Variants in KCND2 observed in about 807,000 individuals in gnomAD.
KCND2 encodes A-type voltage-gated potassium channel KCND2.
Under a neutral mutation model 54.4 loss-of-function variants are expected in KCND2, and 16 were observed. The observed-to-expected ratio is 0.29, with a 90% confidence interval of 0.20 to 0.45. KCND2 has a LOEUF of 0.45. Ranked by LOEUF, KCND2 falls within the 20% of genes least tolerant of loss-of-function variation. The pLI, the probability that KCND2 is intolerant of heterozygous loss-of-function variation, is 1.00. For missense variants in KCND2, 486 were observed against 824.2 expected (o/e 0.59, Z 5.02); for synonymous variants, 317 against 310.7 (o/e 1.02, Z -0.21).
At chr7:120,713,991 GA>G (rs1410571331) in intron 1 of KCND2, among the ~76,000 whole-genome samples, 5 of 152,114 alleles carry the variant, frequency 3.3e-5, no homozygotes, top group African/African-American at 1.2e-4. Context: ...ATTTATTCAA[GA>G]AGGGCTAATG....
At chr7:120,438,089 T>G (rs1232736813) in intron 1 of KCND2, among the ~76,000 whole-genome samples, 2 of 152,174 alleles carry the variant, frequency 1.3e-5, no homozygotes, top group Non-Finnish European at 2.9e-5. Context: ...GGCAAATGAT[T>G]ATGAAACTGA....
At chr7:120,357,333 T>G (rs1706272105) in intron 1 of KCND2, among the ~76,000 whole-genome samples, 1 of 152,122 alleles carries the variant, frequency 6.6e-6, no homozygotes, top group African/African-American at 2.4e-5. Flanking sequence ...ATTTTATGAC[T>G]CCCAAGTCAA....
At chr7:120,519,564 G>A (rs543206718) in intron 1 of KCND2, among the ~76,000 whole-genome samples, 74 of 152,190 alleles carry the variant, frequency 4.9e-4, no homozygotes, top group African/African-American at 1.8e-3. Context: ...ATGAGAACAG[G>A]AGCAGAAGAA....
intron 1 of KCND2, among the ~76,000 whole-genome samples, chr7:120,578,916 T>TCA (rs111758455): frequency 0.024 from 3,588 of 146,840 alleles, 83 homozygotes; most frequent in African/African-American, 0.063. Flanking sequence ...AGACCCTGTC[T>TCA]CACACACACA....
At chr7:120,426,466 C>G (rs530217660) in intron 1 of KCND2, among the ~76,000 whole-genome samples, 2 of 151,974 alleles carry the variant, frequency 1.3e-5, no homozygotes, top group African/African-American at 4.8e-5. Context: ...GTTTAACTGA[C>G]AAAGCTAAAT....
intron 1 of KCND2, among the ~76,000 whole-genome samples, chr7:120,482,008 A>C (rs1303207764): frequency 2.6e-5 from 4 of 152,054 alleles, no homozygotes; most frequent in Non-Finnish European, 5.9e-5. Flanking sequence ...CCAACATGCA[A>C]CTCCAACCTA....
intron 1 of KCND2, among the ~76,000 whole-genome samples, chr7:120,646,369 C>T (rs1437261905): frequency 6.6e-6 from 1 of 152,166 alleles, no homozygotes; most frequent in Non-Finnish European, 1.5e-5. Flanking sequence ...TGTTTCAACT[C>T]CTTGATGTAA....
intron 1 of KCND2, among the ~76,000 whole-genome samples, chr7:120,523,194 C>T (rs1437821009): frequency 1.3e-5 from 2 of 152,122 alleles, no homozygotes; most frequent in East Asian, 3.9e-4. Flanking sequence ...CATGTTTAGA[C>T]ACTAACTTCA....
chr7:120,451,818 G>T (rs1487644141), intron 1 of KCND2, among the ~76,000 whole-genome samples: 2 of 152,168 alleles, frequency 1.3e-5, no homozygotes, highest in African/African-American at 4.8e-5. Context: ...GATGTGCTAT[G>T]CTCCAGTGTC....
intron 1 of KCND2, among the ~76,000 whole-genome samples, chr7:120,604,546 TAATAA>T (rs1181457685): frequency 2.7e-5 from 4 of 147,736 alleles, no homozygotes; most frequent in Non-Finnish European, 6.0e-5. Context: ...ATAATAATAA[TAATAA>T]TATTACTAAT....
At chr7:120,430,810 T>C (rs1203280661) in intron 1 of KCND2, among the ~76,000 whole-genome samples, 3 of 152,192 alleles carry the variant, frequency 2.0e-5, no homozygotes, top group Admixed American at 6.5e-5. Flanking sequence ...CACATTAAAT[T>C]TGCAAAACTT....
chr7:120,464,219 G>T lies in KCND2; in HGVS notation c.1115+188472G>T, dbSNP rs114955961. 805 of 228,396 alleles carry T rather than the reference G, an allele frequency of 3.5e-3. 8 individuals are homozygous for T. The highest frequency in any genetic ancestry group is 0.018 in the African/African-American group (760 of 41,560). The allele number at this position is 228,396 out of a possible 1,614,324, so 14.1% of individuals were successfully genotyped here. The stretch of plus-strand genomic sequence containing the variant: ...CTAGTTGGATATTTTGATTTGACTG[G>T]TCAAGGTAAAAAAAAAAAGAAAACC... On this transcript the variant is annotated intron_variant, in intron 1 of 5. Transcript: ENST00000331113.
chr7:120,436,504 AAC>A (rs1375358618), intron 1 of KCND2, among the ~76,000 whole-genome samples: 1 of 152,206 alleles, frequency 6.6e-6, no homozygotes, highest in Admixed American at 6.5e-5. Flanking sequence ...GTATGCAAGA[AAC>A]ACAGTTTTCT....
At chr7:120,380,333 T>G (rs1037716623) in intron 1 of KCND2, among the ~76,000 whole-genome samples, 1 of 152,110 alleles carries the variant, frequency 6.6e-6, no homozygotes, top group African/African-American at 2.4e-5. Flanking sequence ...CATTTATTTA[T>G]GCCTTTCCTG....
chr7:120,534,384 C>G (rs1791877535), intron 1 of KCND2, among the ~76,000 whole-genome samples: 1 of 152,096 alleles, frequency 6.6e-6, no homozygotes, highest in Non-Finnish European at 1.5e-5. Flanking sequence ...CGGTGTCAGT[C>G]TAACCACAAG....
intron 1 of KCND2, among the ~76,000 whole-genome samples, chr7:120,276,078 T>A (rs1262421905): frequency 6.6e-6 from 1 of 152,096 alleles, no homozygotes; most frequent in Non-Finnish European, 1.5e-5. Flanking sequence ...TATGCCCTAA[T>A]AAAGACACAA....
intron 1 of KCND2, among the ~76,000 whole-genome samples, chr7:120,627,420 C>A (rs1378945164): frequency 6.6e-6 from 1 of 151,766 alleles, no homozygotes; most frequent in African/African-American, 2.4e-5. Context: ...TATTATCATC[C>A]AGTTCATGAA....
intron 1 of KCND2, among the ~76,000 whole-genome samples, chr7:120,511,901 G>A (rs1015453711): frequency 6.6e-6 from 1 of 152,018 alleles, no homozygotes; most frequent in Non-Finnish European, 1.5e-5. Flanking sequence ...TATCAAAATA[G>A]CACCAACTCC....
intron 1 of KCND2, among the ~76,000 whole-genome samples, chr7:120,452,700 T>A (rs1802132256): frequency 6.6e-6 from 1 of 152,298 alleles, no homozygotes; most frequent in African/African-American, 2.4e-5. Flanking sequence ...TGATGAGAGA[T>A]GCTTAGAGCA....
Sources: gnomAD v4.1 joint callset for allele counts (sites outside exome capture counted in the v4.1 genomes callset) on GRCh38, gnomAD v4.1.1 for gene constraint, MANE v1.5 for transcripts, NCBI Gene and HGNC (gene_info 2026-07-23, HGNC 2026-07-21) for gene names.